Variants in THSD7A observed in about 807,000 individuals in gnomAD.
THSD7A encodes thrombospondin type 1 domain containing 7A.
In THSD7A, 96 loss-of-function variants were observed where a neutral mutation model predicts 231.3. That is an observed-to-expected ratio of 0.41 (90% CI 0.35 to 0.49). THSD7A has a LOEUF of 0.49. Ranked by LOEUF, THSD7A falls within the 20% of genes least tolerant of loss-of-function variation. THSD7A has a pLI of 0.05. For synonymous variants in THSD7A, 940 were observed against 743.3 expected, an observed-to-expected ratio of 1.26 and a Z score of -4.30; for missense variants, 2,290 against 2,070.2, an observed-to-expected ratio of 1.11 and a Z score of -2.06.
In THSD7A at chr7:11,637,457, A is replaced by G. The variant is rs1383299247; in HGVS notation, c.191-496T>C. Reference sequence around the variant, plus strand: ...TCAACATATTTTATTTTCATAGACTATGACTGCAAGGGTCTAATAGTTGTA... The same window carrying G: ...TCAACATATTTTATTTTCATAGACTGTGACTGCAAGGGTCTAATAGTTGTA... On this transcript the variant is annotated intron_variant, in intron 1 of 27. Coordinates refer to ENST00000423059, the MANE Select transcript of THSD7A (RefSeq NM_015204.3). This position sits in a 1 kb window ranked among gnomAD's most constrained non-coding sequence, Gnocchi z 4.2. Among the ~76,000 whole-genome samples, 1 of 152,180 alleles carries G rather than the reference A, an allele frequency of 6.6e-6. No homozygotes were observed. The highest frequency in any genetic ancestry group is 1.9e-4 in the East Asian group (1 of 5,190).
chr7:11,579,045 G>C (rs954358637), intron 4 of THSD7A, among the ~76,000 whole-genome samples: 5 of 152,124 alleles, frequency 3.3e-5, no homozygotes, highest in African/African-American at 7.2e-5. Flanking sequence ...GGCAATTTTA[G>C]TGGATTTCAA....
intron 4 of THSD7A, among the ~76,000 whole-genome samples, chr7:11,587,296 C>T (rs1313326736): frequency 6.6e-6 from 1 of 152,138 alleles, no homozygotes; most frequent in East Asian, 1.9e-4. Flanking sequence ...CTTCACATAT[C>T]AGCTGGCTGA....
chr7:11,635,185 G>A lies in THSD7A; in HGVS notation c.1022+945C>T, dbSNP rs137948902. ...TGTTTTTTAATCAAGAGAATAGACTGTGTGATAGAGTTGATGACACTTTCA... is the reference window on the plus strand; with the variant it reads ...TGTTTTTTAATCAAGAGAATAGACTATGTGATAGAGTTGATGACACTTTCA... On this transcript the variant is annotated intron_variant, in intron 2 of 27. Coordinates refer to ENST00000423059, the MANE Select transcript of THSD7A (RefSeq NM_015204.3). Among the ~76,000 whole-genome samples, 39 of 152,270 alleles carry A rather than the reference G, an allele frequency of 2.6e-4. No homozygotes were observed. In the East Asian group the frequency reaches 7.5e-3, roughly 29 times the overall value.
chr7:11,759,374 C>A (rs1213378254), intron 1 of THSD7A, among the ~76,000 whole-genome samples: 1 of 151,968 alleles, frequency 6.6e-6, no homozygotes, highest in African/African-American at 2.4e-5. Flanking sequence ...GAATATTAAA[C>A]AGCAGATGAG....
chr7:11,546,938 C>A (rs191982024), intron 4 of THSD7A, among the ~76,000 whole-genome samples: 3 of 152,164 alleles, frequency 2.0e-5, no homozygotes, highest in Admixed American at 2.0e-4. Flanking sequence ...GCAGAATAGA[C>A]CAAGCTAATG....
intron 15 of THSD7A, among the ~76,000 whole-genome samples, chr7:11,425,916 T>C (rs553753435): frequency 1.1e-3 from 174 of 152,082 alleles, no homozygotes; most frequent in Middle Eastern, 3.4e-3. Flanking sequence ...CTAAGTAAAA[T>C]GAATAAAGTG....
chr7:11,580,621 C>T (rs1359770385), intron 4 of THSD7A, among the ~76,000 whole-genome samples: 1 of 152,054 alleles, frequency 6.6e-6, no homozygotes, highest in Non-Finnish European at 1.5e-5. Context: ...CCTTAGCAAA[C>T]TAAGACAGGA....
chr7:11,757,034 T>C (rs1411631886), intron 1 of THSD7A, among the ~76,000 whole-genome samples: 2 of 151,974 alleles, frequency 1.3e-5, no homozygotes, highest in Non-Finnish European at 2.9e-5. Context: ...TCTAATTAAA[T>C]AGATATTCTT....
intron 6 of THSD7A, among the ~76,000 whole-genome samples, chr7:11,495,410 C>T (rs1019420713): frequency 4.6e-5 from 7 of 151,950 alleles, no homozygotes; most frequent in African/African-American, 1.7e-4. Flanking sequence ...GAGAAATAAA[C>T]AGCACTTATA....
intron 1 of THSD7A, among the ~76,000 whole-genome samples, chr7:11,811,877 AAGTC>A (rs1784536559): frequency 6.6e-6 from 1 of 152,184 alleles, no homozygotes; most frequent in Non-Finnish European, 1.5e-5. Context: ...GACACAGTGA[AAGTC>A]AGCATTTTCT....
chr7:11,393,795 G>T (rs575224171), intron 23 of THSD7A, among the ~76,000 whole-genome samples: 62 of 152,180 alleles, frequency 4.1e-4, no homozygotes, highest in Non-Finnish European at 7.6e-4. Context: ...ATGAAATAAA[G>T]TGAGAAGACA....
chr7:11,667,688 T>C (rs983735266), intron 1 of THSD7A, among the ~76,000 whole-genome samples: 9 of 152,150 alleles, frequency 5.9e-5, no homozygotes, highest in Admixed American at 1.3e-4. Context: ...TGTTAATGGC[T>C]AGACAAATAA....
rs138280903 is a variant in THSD7A at position 11,816,433 on chromosome 7, C to T, written c.190+15324G>A. Among the ~76,000 whole-genome samples the T allele has an allele frequency of 8.5e-5, 13 of 152,212 alleles. No individual in the cohort carries two copies. In the East Asian group the frequency reaches 2.3e-3, roughly 27 times the overall value. Reference sequence around the variant, plus strand: ...TGTCATAATCAATGGAAACTATTCACAAGTAATGTTTTAGAGAAATAGTGT... The same window carrying T: ...TGTCATAATCAATGGAAACTATTCATAAGTAATGTTTTAGAGAAATAGTGT... On this transcript the variant is annotated intron_variant, in intron 1 of 27. Coordinates refer to ENST00000423059, the MANE Select transcript of THSD7A (RefSeq NM_015204.3).
intron 22 of THSD7A, among the ~76,000 whole-genome samples, chr7:11,403,714 CTG>C (rs927084254): frequency 5.9e-5 from 9 of 152,172 alleles, no homozygotes; most frequent in South Asian, 2.1e-4. Context: ...TAATGATAGT[CTG>C]TGAGTTATGT....
chr7:11,545,039 C>G (rs1789320451), intron 4 of THSD7A, among the ~76,000 whole-genome samples: 1 of 152,042 alleles, frequency 6.6e-6, no homozygotes, highest in African/African-American at 2.4e-5. Context: ...GCTTCACTCT[C>G]TGAATATAAA....
At chr7:11,657,085 T>C (rs1782739318) in intron 1 of THSD7A, among the ~76,000 whole-genome samples, 1 of 151,792 alleles carries the variant, frequency 6.6e-6, no homozygotes, top group Non-Finnish European at 1.5e-5. Context: ...GCCTTAGCAA[T>C]GTAGCCTTAA....
At chr7:11,427,452 T>C (rs1221415280) in intron 14 of THSD7A, among the ~76,000 whole-genome samples, 1 of 152,094 alleles carries the variant, frequency 6.6e-6, no homozygotes, top group Non-Finnish European at 1.5e-5. Flanking sequence ...ATATTAGAGT[T>C]GGAAAGTGAC....
intron 6 of THSD7A, among the ~76,000 whole-genome samples, chr7:11,525,630 T>G (rs1264128236): frequency 6.6e-6 from 1 of 152,152 alleles, no homozygotes; most frequent in Non-Finnish European, 1.5e-5. Context: ...TTGTCAGAAG[T>G]GTATATGTAT....
intron 2 of THSD7A, among the ~76,000 whole-genome samples, chr7:11,603,162 A>C (rs1780608574): frequency 1.3e-5 from 2 of 151,924 alleles, no homozygotes; most frequent in South Asian, 4.2e-4. Context: ...ATCTACAATG[A>C]ACTCAAACAA....
Sources: gnomAD v4.1 joint callset for allele counts (sites outside exome capture counted in the v4.1 genomes callset) on GRCh38, gnomAD v4.1.1 for gene constraint, Gnocchi (gnomAD v3.1) non-coding constraint, MANE v1.5 for transcripts, NCBI Gene and HGNC (gene_info 2026-07-23, HGNC 2026-07-21) for gene names.